The following ANKRD13B variants were observed in gnomAD, a reference collection of about 807,000 sequenced individuals.
ANKRD13B encodes ankyrin repeat domain-containing protein 13B.
ANKRD13B carries 33 observed loss-of-function variants against 74.4 expected under a neutral mutation model. The observed-to-expected ratio is 0.44, with a 90% CI of 0.34 to 0.59. The LOEUF is 0.59. Ranked by LOEUF, ANKRD13B falls within the 20% of genes least tolerant of loss-of-function variation. The pLI is 0.02. For missense variants in ANKRD13B, 676 were observed against 877.9 expected (o/e 0.77, Z 2.91); for synonymous variants, 341 against 362.9 (o/e 0.94, Z 0.68).
At chr17:29,602,164 G>A (rs2034203451) in intron 1 of ANKRD13B, among the ~76,000 whole-genome samples, 1 of 152,206 alleles carries the variant, frequency 6.6e-6, no homozygotes, top group South Asian at 2.1e-4. Flanking sequence ...GGGAGGCCGA[G>A]GCGGGCGGAT....
intron 1 of ANKRD13B, among the ~76,000 whole-genome samples, chr17:29,597,986 G>A (rs547101127): frequency 1.3e-5 from 2 of 152,106 alleles, no homozygotes; most frequent in Non-Finnish European, 2.9e-5. Context: ...ATTAGCTGCA[G>A]CGGCTGCGGC....
At chr17:29,601,955 C>G (rs941420377) in intron 1 of ANKRD13B, among the ~76,000 whole-genome samples, 2 of 152,022 alleles carry the variant, frequency 1.3e-5, no homozygotes, top group African/African-American at 4.8e-5. Flanking sequence ...TTCTTTTTAC[C>G]ACTAGTTTTC....
At chr17:29,600,808 C>T (rs969945226) in intron 1 of ANKRD13B, among the ~76,000 whole-genome samples, 2 of 152,192 alleles carry the variant, frequency 1.3e-5, no homozygotes, top group Admixed American at 1.3e-4. Flanking sequence ...TCCTCTGCTC[C>T]CCTAAGTCAG....
At chr17:29,600,628 CA>C (rs1435200856) in intron 1 of ANKRD13B, among the ~76,000 whole-genome samples, 1 of 152,140 alleles carries the variant, frequency 6.6e-6, no homozygotes. Context: ...GGAAGGGGAC[CA>C]GGGGATCCTG....
chr17:29,609,187 G>A lies in ANKRD13B; in HGVS notation c.667G>A (p.Ala223Thr), dbSNP rs780411568. The change falls in exon 6 of 15, where the codon GCT becomes ACT. Residue 223 changes from alanine (A) to threonine (T), a missense_variant. Around this residue, in one of 4 missense-constraint regions of ANKRD13B, gnomAD observed 328 missense variants for 518.4 expected, o/e 0.63. Transcript: ENST00000394859. This position sits in a 1 kb window ranked among gnomAD's most constrained non-coding sequence, Gnocchi z 4.0. ...GGACCGGGAGCTGCTGCTGGCTGCT[G>A]CTCAGCCCACTGAGGAACAGGTGCT... ...GQDRELLLAAAQPTEEQVLSR... is the reference protein window; with the variant it reads ...GQDRELLLAATQPTEEQVLSR... 31 of 1,612,240 alleles carry A rather than the reference G, an allele frequency of 1.9e-5. No homozygotes were observed. In the Admixed American group the frequency reaches 4.3e-4, roughly 23 times the overall value.
chr17:29,594,783 T>C (rs115505409), intron 1 of ANKRD13B, among the ~76,000 whole-genome samples: 414 of 152,256 alleles, frequency 2.7e-3, no homozygotes, highest in African/African-American at 9.8e-3. Flanking sequence ...TTGCCCGCTG[T>C]GGGAATTTAC....
Position 29,608,858 on chromosome 17 carries a change from G to A in ANKRD13B, c.429G>A (p.Leu143=). Reference sequence around the variant, plus strand: ...AACCTCCGCTTCCACCAGTGCCCCTGGTGTCCAAGATCTGCCCTAGTGACA... The same window carrying A: ...AACCTCCGCTTCCACCAGTGCCCCTAGTGTCCAAGATCTGCCCTAGTGACA... ...MKWEFTSWVP[L]VSKICPSDTY... is the part of the protein sequence containing the mutation. Residue 143 remains leucine (L), a synonymous_variant, in exon 5 of 15, where the codon CTG becomes CTA. Transcript: ENST00000394859. The surrounding 1 kb of genome is among the most constrained non-coding windows in gnomAD (Gnocchi z 6.4). The A allele has an allele frequency of 1.2e-6, 2 of 1,614,098 alleles. No homozygotes were observed. The highest frequency in any genetic ancestry group is 1.1e-5 in the South Asian group (1 of 91,084).
intron 1 of ANKRD13B, among the ~76,000 whole-genome samples, chr17:29,607,018 C>G (rs1257151444): frequency 1.3e-5 from 2 of 152,000 alleles, no homozygotes; most frequent in Non-Finnish European, 2.9e-5. Context: ...TCATTGTACT[C>G]CAGCCTAGCC....
At chr17:29,605,934 C>T (rs561190292) in intron 1 of ANKRD13B, among the ~76,000 whole-genome samples, 18 of 150,150 alleles carry the variant, frequency 1.2e-4, no homozygotes, top group South Asian at 2.1e-4. Flanking sequence ...TTTTTTGAGA[C>T]GGAGTTTTGC....
At position 29,612,362 on chromosome 17, in the gene ANKRD13B, G is replaced by C. The variant is rs780912450; in HGVS notation, c.1259-40G>C. ...GGGTGGGGCTGAGGCTGAGGTGTGA[G>C]GGGCTGAGTGGTGGCGCCTAAAGGT... On this transcript the variant is annotated intron_variant, in intron 11 of 14. Transcript: ENST00000394859. The surrounding 1 kb of genome is among the most constrained non-coding windows in gnomAD (Gnocchi z 6.1). The C allele has an allele frequency of 5.6e-6, 9 of 1,611,678 alleles. No individual in the cohort carries two copies. Among genetic ancestry groups the C allele is most frequent in the Non-Finnish European group, 7.6e-6 (9 of 1,178,216 alleles).
At position 29,604,830 on chromosome 17, in the gene ANKRD13B, A is replaced by C. The variant is rs376492662; in HGVS notation, c.115-2912A>C. 2.2e-4 allele frequency among the ~76,000 whole-genome samples: 34 copies of C among 152,344 alleles called. No individual in the cohort carries two copies. In the South Asian group the frequency reaches 7.0e-3, roughly 32 times the overall value. On this transcript the variant is annotated intron_variant, in intron 1 of 14. Coordinates refer to ENST00000394859, the MANE Select transcript of ANKRD13B (RefSeq NM_152345.5). The stretch of plus-strand genomic sequence containing the variant: ...AGTGCTGGGATTACAGGCATGAGCC[A>C]CTGCACCCGGCCTGAGGCTAATTTT...
intron 1 of ANKRD13B, among the ~76,000 whole-genome samples, chr17:29,597,159 ACT>A (rs931916662): frequency 9.9e-5 from 15 of 152,202 alleles, no homozygotes; most frequent in Admixed American, 9.8e-4. Context: ...CCTCGCAAGC[ACT>A]GTGTTTAGTC....
chr17:29,608,861 G>A lies in ANKRD13B; in HGVS notation c.432G>A (p.Val144=). 6.2e-7 allele frequency: 1 copy of A among 1,614,136 alleles called. No homozygotes were observed. Residue 144 remains valine (V), a synonymous_variant, in exon 5 of 15, where the codon GTG becomes GTA. Coordinates refer to ENST00000394859, the MANE Select transcript of ANKRD13B (RefSeq NM_152345.5). This position sits in a 1 kb window ranked among gnomAD's most constrained non-coding sequence, Gnocchi z 6.4. ...CTCCGCTTCCACCAGTGCCCCTGGTGTCCAAGATCTGCCCTAGTGACACCT... is the reference window on the plus strand; with the variant it reads ...CTCCGCTTCCACCAGTGCCCCTGGTATCCAAGATCTGCCCTAGTGACACCT... ...KWEFTSWVPL[V]SKICPSDTYK... is the part of the protein sequence containing the mutation.
Position 29,608,364 on chromosome 17 carries a change from GGCCACCGCCTCA to G in ANKRD13B, c.421+127_421+138del, listed in dbSNP as rs1004733430. 112 of 1,269,438 alleles carry G rather than the reference GGCCACCGCCTCA, an allele frequency of 8.8e-5. 1 individual carries two copies. In the African/African-American group the frequency reaches 1.3e-3, roughly 15 times the overall value. 78.6% of individuals were successfully genotyped at this position (1,269,438 alleles called of 1,614,324 possible). On this transcript the variant is annotated intron_variant, in intron 4 of 14. Coordinates refer to ENST00000394859, the MANE Select transcript of ANKRD13B (RefSeq NM_152345.5). This position sits in a 1 kb window ranked among gnomAD's most constrained non-coding sequence, Gnocchi z 6.4. ...CCCTCTATGCCTTAGCTCAGCTCAGGGCCACCGCCTCAGCTAGGCCTTTCCAGATTGCCCCAG... is the reference window on the plus strand; with the variant it reads ...CCCTCTATGCCTTAGCTCAGCTCAGGGCTAGGCCTTTCCAGATTGCCCCAG...
In ANKRD13B at chr17:29,608,065, G is replaced by A. The variant is rs984591664; in HGVS notation, c.330G>A (p.Val110=). ...GGTACCGGGACTACCAGCGGGTGGT[G>A]AAGCGGCTGGCGGGCATCCCCGTGC... ...VLRYRDYQRV[V]KRLAGIPVLL... The change falls in exon 3 of 15, where the codon GTG becomes GTA. Residue 110 remains valine (V), a synonymous_variant. Coordinates refer to ENST00000394859, the MANE Select transcript of ANKRD13B (RefSeq NM_152345.5). This position sits in a 1 kb window ranked among gnomAD's most constrained non-coding sequence, Gnocchi z 6.4. 2.9e-5 allele frequency: 47 copies of A among 1,613,284 alleles called. No individual in the cohort carries two copies. Among genetic ancestry groups the A allele is most frequent in the Non-Finnish European group, 3.9e-5 (46 of 1,179,732 alleles).
intron 7 of ANKRD13B, among the ~76,000 whole-genome samples, chr17:29,610,408 G>C (rs530416643): frequency 1.9e-4 from 29 of 152,232 alleles, no homozygotes; most frequent in Admixed American, 2.6e-4. Flanking sequence ...TATAGAGATT[G>C]TAAGTCTCAG....
chr17:29,607,706 C>A, intron 1 of ANKRD13B, 36 bp from the exon 2 acceptor site: 1 of 1,579,736 alleles, frequency 6.3e-7, no homozygotes, highest in South Asian at 1.1e-5. Flanking sequence ...TCCGACGTGA[C>A]TGGGGCTTTA....
rs1213461092 is a variant in ANKRD13B, at chr17:29,609,136, A to G, written c.616A>G (p.Thr206Ala). 1 of 1,612,370 alleles carries G rather than the reference A, an allele frequency of 6.2e-7. No homozygotes were observed. The highest frequency in any genetic ancestry group is 1.7e-5 in the Admixed American group (1 of 60,030). Residue 206 changes from threonine (T) to alanine (A), a missense_variant, in exon 6 of 15, where the codon ACA becomes GCA. Around this residue, in one of 4 missense-constraint regions of ANKRD13B, gnomAD observed 328 missense variants for 518.4 expected, o/e 0.63. Transcript: ENST00000394859. The surrounding 1 kb of genome is among the most constrained non-coding windows in gnomAD (Gnocchi z 4.0). ...EIDHDRRVVY[T>A]ETLALAGQDR... Reference sequence around the variant, plus strand: ...TGACCACGACCGCCGGGTGGTGTACACAGAGACTCTGGCACTGGCTGGGCA... The same window carrying G: ...TGACCACGACCGCCGGGTGGTGTACGCAGAGACTCTGGCACTGGCTGGGCA...
rs1257317681 is a variant in ANKRD13B at position 29,612,007 on chromosome 17, G to T, written c.1100+1G>T. 1 of 1,611,394 alleles carries T rather than the reference G, an allele frequency of 6.2e-7. No individual in the cohort carries two copies. The highest frequency in any genetic ancestry group is 8.5e-7 in the Non-Finnish European group (1 of 1,178,754). On this transcript the variant is annotated splice_donor_variant, in intron 10 of 14. Coordinates refer to ENST00000394859, the MANE Select transcript of ANKRD13B (RefSeq NM_152345.5). LOFTEE classifies it high-confidence loss of function. The surrounding 1 kb of genome is among the most constrained non-coding windows in gnomAD (Gnocchi z 6.1). ...TGGAACTGACCACCAAGACACAGAA[G>T]TGAGGCCCCTGCCGGTGCTGGGAAG...
Sources: gnomAD v4.1 joint callset for allele counts (sites outside exome capture counted in the v4.1 genomes callset) on GRCh38, gnomAD v4.1.1 for gene constraint, gnomAD v4.1.1 regional missense constraint, Gnocchi (gnomAD v3.1) non-coding constraint, MANE v1.5 for transcripts, NCBI Gene and HGNC (gene_info 2026-07-23, HGNC 2026-07-21) for gene names.